Variants in TRAK1 observed in about 807,000 individuals in gnomAD.
TRAK1 encodes the protein trafficking kinesin-binding protein 1.
Under a neutral mutation model 92.1 loss-of-function variants are expected in TRAK1, and 33 were observed. That is an observed-to-expected ratio of 0.36 (90% CI 0.27 to 0.48). TRAK1 has a LOEUF of 0.48. Ranked by LOEUF, TRAK1 falls within the 20% of genes least tolerant of loss-of-function variation. The pLI is 0.99. For missense variants in TRAK1, 1,123 were observed against 1,257.9 expected, an observed-to-expected ratio of 0.89 and a Z score of 1.62; for synonymous variants, 521 against 517.3, an observed-to-expected ratio of 1.01 and a Z score of -0.10.
At chr3:42,193,720 C>T in intron 8 of TRAK1, 104 bp from the exon 9 acceptor site, 1 of 1,178,916 alleles carries the variant, frequency 8.5e-7, no homozygotes, top group Non-Finnish European at 1.3e-6. Context: ...TGAGCATGTC[C>T]TTGTAGAAAG....
intron 1 of TRAK1, among the ~76,000 whole-genome samples, chr3:42,077,085 T>G (rs1306390765): frequency 1.3e-5 from 2 of 152,234 alleles, no homozygotes; most frequent in Admixed American, 6.5e-5. Flanking sequence ...AGCTTTGTTC[T>G]TTTTGCTTAT....
At chr3:42,120,838 G>A (rs1280359991) in intron 1 of TRAK1, among the ~76,000 whole-genome samples, 1 of 152,028 alleles carries the variant, frequency 6.6e-6, no homozygotes, top group Non-Finnish European at 1.5e-5. Context: ...GAGCCACCGC[G>A]CCCGGCTACT....
rs17067082 is a variant in TRAK1, at chr3:42,035,019, G to A, written c.-519+20902G>A. On this transcript the variant is annotated intron_variant, in intron 1 of 16. Transcript: ENST00000487159. ...ATTGCTCTTCTCCTACTTCATTGCC[G>A]GTCTCACCAAAGTGCCTTCTTTCTC... Among the ~76,000 whole-genome samples the A allele has an allele frequency of 7.7e-3, 1,167 of 152,144 alleles. 12 individuals are homozygous for A. The highest frequency in any genetic ancestry group is 0.027 in the African/African-American group (1,117 of 41,488).
chr3:42,131,047 T>C (rs1473079798), intron 2 of TRAK1, among the ~76,000 whole-genome samples: 2 of 152,170 alleles, frequency 1.3e-5, no homozygotes, highest in Non-Finnish European at 2.9e-5. Context: ...TTTATACGGT[T>C]GGTTTTATGG....
intron 4 of TRAK1, 83 bp from the exon 5 acceptor site, chr3:42,187,962 A>G (rs928880072): frequency 2.7e-6 from 3 of 1,115,544 alleles, no homozygotes; most frequent in Non-Finnish European, 2.7e-6. Context: ...TATTGTCCCT[A>G]AGTGTTAAGT....
chr3:42,013,552 C>A (rs867585164), upstream of TRAK1, among the ~76,000 whole-genome samples: 30 of 115,906 alleles, frequency 2.6e-4, 1 homozygote, highest in Middle Eastern at 0.023. This position sits in a 1 kb window ranked among gnomAD's most constrained non-coding sequence, Gnocchi z 5.1. Flanking sequence ...CCGCAGGTGG[C>A]GGCGCGGGGC....
In TRAK1 at chr3:42,093,649, C is replaced by CCCTTCCCTT. The variant is rs1705432495; in HGVS notation, c.91+2091_91+2092insTTCCCTTCC. 5.4e-4 allele frequency among the ~76,000 whole-genome samples: 22 copies of CCCTTCCCTT among 40,592 alleles called. 1 individual carries two copies. Among genetic ancestry groups the CCCTTCCCTT allele is most frequent in the African/African-American group, 2.1e-3 (20 of 9,492 alleles). The allele number at this position is 40,592 out of a possible 152,430, so 26.6% of individuals were successfully genotyped here. On this transcript the variant is annotated intron_variant, in intron 1 of 15. Transcript: ENST00000327628. ...CTCTCTTCTCTCTTCTCTTTTTTCTCCCCTTCCCTTCCCTTCCCTCCCCTC... is the reference window on the plus strand; with the variant it reads ...CTCTCTTCTCTCTTCTCTTTTTTCTCCCTTCCCTTCCCTTCCCTTCCCTTCCCTCCCCTC...
chr3:42,207,734 C>T (rs952938773), intron 13 of TRAK1, among the ~76,000 whole-genome samples: 8 of 152,174 alleles, frequency 5.3e-5, no homozygotes, highest in African/African-American at 1.7e-4. Flanking sequence ...TGCAGGTCTG[C>T]GAAGCCCCGG....
At chr3:42,186,008 G>A (rs1239832513) in intron 4 of TRAK1, among the ~76,000 whole-genome samples, 2 of 104,702 alleles carry the variant, frequency 1.9e-5, no homozygotes, top group African/African-American at 3.9e-5. Flanking sequence ...TTTGAGATAA[G>A]GTCTCACTCT....
At chr3:42,070,518 C>T (rs2148937119) in intron 1 of TRAK1, among the ~76,000 whole-genome samples, 1 of 152,192 alleles carries the variant, frequency 6.6e-6, no homozygotes, top group African/African-American at 2.4e-5. Context: ...GCCTTGAACT[C>T]CTGGGCTAAA....
chr3:42,188,107 T>A lies in TRAK1; in HGVS notation c.543T>A (p.Ala181=), dbSNP rs749572671. The change falls in exon 5 of 16, where the codon GCT becomes GCA. Residue 181 remains alanine (A), a synonymous_variant. Coordinates refer to ENST00000327628, the MANE Select transcript of TRAK1 (RefSeq NM_001042646.3). ...KDELLQFYTS[A]AEESEPESVC... is the part of the protein sequence containing the mutation. ...AGCTGCTTCAGTTCTACACCAGCGC[T>A]GCGGAGGAGAGTGAGCCCGAGTCCG... The A allele has an allele frequency of 6.2e-7, 1 of 1,614,138 alleles. No individual in the cohort carries two copies.
chr3:42,201,853 TGGACGGACGGAC>T (rs10531282), intron 12 of TRAK1, among the ~76,000 whole-genome samples: 2 of 127,910 alleles, frequency 1.6e-5, no homozygotes, highest in South Asian at 5.3e-4. Flanking sequence ...CTGCAGAACC[TGGACGGACGGAC>T]GGACGGACGG....
intron 1 of TRAK1, among the ~76,000 whole-genome samples, chr3:42,070,121 G>C (rs1382572634): frequency 2.6e-5 from 4 of 151,884 alleles, no homozygotes; most frequent in Non-Finnish European, 4.4e-5. Flanking sequence ...CAAAGGCCGG[G>C]ATTACAGGTT....
At chr3:42,030,672 C>CA (rs1322619455) in intron 1 of TRAK1, among the ~76,000 whole-genome samples, 1,105 of 40,340 alleles carry the variant, frequency 0.027, 78 homozygotes, top group African/African-American at 0.097. Flanking sequence ...GACTCCATCT[C>CA]AAAAAAAAAA....
At chr3:42,135,343 C>T (rs971570380) in intron 2 of TRAK1, among the ~76,000 whole-genome samples, 2 of 152,200 alleles carry the variant, frequency 1.3e-5, no homozygotes, top group Non-Finnish European at 2.9e-5. Context: ...TTTCCAGGTA[C>T]TCCTTGTTGA....
intron 13 of TRAK1, chr3:42,203,988 G>A: frequency 1.0e-6 from 1 of 985,774 alleles, no homozygotes; most frequent in South Asian, 4.7e-5. Context: ...ACATGACTGG[G>A]TTCCACAGTC....
intron 1 of TRAK1, among the ~76,000 whole-genome samples, chr3:42,079,477 C>CTTTTTTTTTTT (rs748826131): frequency 7.3e-6 from 1 of 136,250 alleles, no homozygotes; most frequent in Non-Finnish European, 1.6e-5. Flanking sequence ...GCTCCTTCTT[C>CTTTTTTTTTTT]TTTTTTTTTT....
Position 42,031,775 on chromosome 3 carries a change from GCTGT to G in TRAK1, c.-519+17662_-519+17665del, listed in dbSNP as rs1382132092. 2.1e-4 allele frequency among the ~76,000 whole-genome samples: 32 copies of G among 152,158 alleles called. 1 individual carries two copies. Among genetic ancestry groups the G allele is most frequent in the Admixed American group, 5.2e-4 (8 of 15,270 alleles). ...TCAAAATGATCCTTTTAAGAGTGGG[GCTGT>G]CTGAGGTGCGTTTCCAGTTTCCTCA... On this transcript the variant is annotated intron_variant, in intron 1 of 16. Transcript: ENST00000487159.
intron 1 of TRAK1, among the ~76,000 whole-genome samples, chr3:42,078,252 T>C (rs955831766): frequency 6.6e-6 from 1 of 152,152 alleles, no homozygotes; most frequent in Non-Finnish European, 1.5e-5. Context: ...GAGGCAAATC[T>C]AAACTCATCC....
Sources: gnomAD v4.1 joint callset for allele counts (sites outside exome capture counted in the v4.1 genomes callset) on GRCh38, gnomAD v4.1.1 for gene constraint, Gnocchi (gnomAD v3.1) non-coding constraint, MANE v1.5 for transcripts, NCBI Gene and HGNC (gene_info 2026-07-23, HGNC 2026-07-21) for gene names.